The following PRKX variants were observed in gnomAD, a reference collection of about 807,000 sequenced individuals.
PRKX encodes the protein cAMP-dependent protein kinase catalytic subunit PRKX.
In PRKX, 12 loss-of-function variants were observed where a neutral mutation model predicts 22.0. That is an observed-to-expected ratio of 0.54 (90% CI 0.35 to 0.88). PRKX has a LOEUF of 0.88. PRKX is among the 40% of genes least tolerant of loss of function. The pLI, the probability that PRKX is intolerant of heterozygous loss-of-function variation, is 0.01. For synonymous variants in PRKX, 134 were observed against 137.7 expected (o/e 0.97, Z 0.19); for missense variants, 217 against 308.0 (o/e 0.70, Z 2.21).
chrX:3,649,444 T>C (rs1029163764), intron 3 of PRKX, among the ~76,000 whole-genome samples: 1 of 99,997 alleles, frequency 1.0e-5, no homozygotes, highest in African/African-American at 3.7e-5. Flanking sequence ...GTAATATTGC[T>C]GTTAGAAAAC....
chrX:3,655,485 G>A (rs1195896644), intron 2 of PRKX, 73 bp from the exon 3 acceptor site: 21 of 1,139,215 alleles, frequency 1.8e-5, no homozygotes, highest in Non-Finnish European at 2.4e-5. Flanking sequence ...GCTAGGTGTT[G>A]GGGTACAGAT....
chrX:3,704,175 T>C (rs1260163423), intron 1 of PRKX, among the ~76,000 whole-genome samples: 1 of 111,765 alleles, frequency 8.9e-6, no homozygotes, highest in Non-Finnish European at 1.9e-5. Flanking sequence ...TTCTTGAAAG[T>C]ATTGGTTGCA....
At chrX:3,610,164 T>C (rs1020000539) in intron 8 of PRKX, among the ~76,000 whole-genome samples, 3 of 111,997 alleles carry the variant, frequency 2.7e-5, no homozygotes, top group African/African-American at 9.7e-5. Context: ...AATTACTTGA[T>C]AAAATTACTA....
rs746493410 is a variant in PRKX at position 3,626,514 on chromosome X, C to T, written c.720G>A (p.Gly240=). The change falls in exon 5 of 9, where the codon GGG becomes GGA. Residue 240 remains glycine (G), a splice_region_variant and synonymous_variant. Coordinates refer to ENST00000262848, the MANE Select transcript of PRKX (RefSeq NM_005044.5). ...LGILIFEMLS[G]FPPFFDDNPF... is the part of the protein sequence containing the mutation. ...GGTTGTCATCAAAAAACGGAGGAAA[C>T]CTGTTAGAAAAACAAACATGTATTT... The T allele has an allele frequency of 1.0e-5, 12 of 1,199,907 alleles. No homozygotes were observed. In the East Asian group the frequency reaches 3.3e-4, roughly 33 times the overall value.
rs771773396 is a variant in PRKX, at chrX:3,615,865, G to A, written c.901C>T (p.Arg301Trp). The change falls in exon 7 of 9, where the codon CGG becomes TGG. Residue 301 changes from arginine (R) to tryptophan (W), a missense_variant. Transcript: ENST00000262848. Reference sequence around the variant, plus strand: ...TCCCAGTCCACGGAGCGGAACCACCGATGATGCTTCACATCATTCGCCCCG... The same window carrying A: ...TCCCAGTCCACGGAGCGGAACCACCAATGATGCTTCACATCATTCGCCCCG... ...KNGANDVKHH[R>W]WFRSVDWEAV... is the part of the protein sequence containing the mutation. 60 of 1,206,164 alleles carry A rather than the reference G, an allele frequency of 5.0e-5. No homozygotes were observed. The highest frequency in any genetic ancestry group is 6.2e-5 in the Non-Finnish European group (55 of 893,257).
chrX:3,618,068 AGAGAGAG>A (rs1255146134), intron 6 of PRKX, among the ~76,000 whole-genome samples: 6 of 72,059 alleles, frequency 8.3e-5, no homozygotes, highest in African/African-American at 1.7e-4. Context: ...AAAAAAAAAA[AGAGAGAG>A]AGAGAGAGAG....
chrX:3,642,599 G>A (rs1335459772), intron 3 of PRKX, among the ~76,000 whole-genome samples: 6 of 110,726 alleles, frequency 5.4e-5, no homozygotes, highest in Non-Finnish European at 1.1e-4. Flanking sequence ...AAACCTGCAC[G>A]TGTACCCCTG....
rs139877964 is a variant in PRKX at position 3,655,355 on chromosome X, G to A, written c.393C>T (p.Gly131=). The change falls in exon 3 of 9, where the codon GGC becomes GGT. Residue 131 remains glycine (G), a synonymous_variant. Coordinates refer to ENST00000262848, the MANE Select transcript of PRKX (RefSeq NM_005044.5). The stretch of plus-strand genomic sequence containing the variant: ...TGCGCAGGTAGCTGAAGAGCTCGCC[G>A]CCCGGCACGTACTCCATGAGCATGT... ...FLYMLMEYVP[G]GELFSYLRNR... 1,056 of 1,210,704 alleles carry A rather than the reference G, an allele frequency of 8.7e-4. 2 individuals are homozygous for A. The highest frequency in any genetic ancestry group is 5.3e-3 in the Middle Eastern group (23 of 4,356).
At chrX:3,704,291 GCAAA>G (rs1434505918) in intron 1 of PRKX, among the ~76,000 whole-genome samples, 1 of 112,182 alleles carries the variant, frequency 8.9e-6, no homozygotes, top group Non-Finnish European at 1.9e-5. Context: ...AGGTTTCTGT[GCAAA>G]CAATCTGCCC....
At chrX:3,689,744 A>C (rs6641853) in intron 1 of PRKX, among the ~76,000 whole-genome samples, 2 of 111,303 alleles carry the variant, frequency 1.8e-5, no homozygotes, top group African/African-American at 3.3e-5. Context: ...TTGGGAGGCC[A>C]AGGCGGGCGG....
chrX:3,615,853 A>T lies in PRKX; in HGVS notation c.913T>A (p.Ser305Thr), dbSNP rs778063938. 4 of 1,208,161 alleles carry T rather than the reference A, an allele frequency of 3.3e-6. No individual in the cohort carries two copies. Among genetic ancestry groups the T allele is most frequent in the Non-Finnish European group, 4.5e-6 (4 of 893,604 alleles). The stretch of plus-strand genomic sequence containing the variant: ...TGCGGAACAGCTTCCCAGTCCACGG[A>T]GCGGAACCACCGATGATGCTTCACA... ...NDVKHHRWFR[S>T]VDWEAVPQRK... Residue 305 changes from serine (S) to threonine (T), a missense_variant, in exon 7 of 9, where the codon TCC becomes ACC. Coordinates refer to ENST00000262848, the MANE Select transcript of PRKX (RefSeq NM_005044.5).
chrX:3,622,322 G>A (rs1926574290), intron 5 of PRKX, among the ~76,000 whole-genome samples: 1 of 111,159 alleles, frequency 9.0e-6, no homozygotes, highest in African/African-American at 3.3e-5. Flanking sequence ...AAAATACACA[G>A]AGTACATTAT....
intron 2 of PRKX, 105 bp downstream of exon 2, chrX:3,674,493 G>A (rs1225043251): frequency 7.2e-6 from 6 of 832,946 alleles, no homozygotes; most frequent in Admixed American, 2.9e-5. Flanking sequence ...GTGGCCTAAG[G>A]CTTTGCACGC....
At chrX:3,652,195 C>G (rs193159934) in intron 3 of PRKX, among the ~76,000 whole-genome samples, 5 of 110,253 alleles carry the variant, frequency 4.5e-5, no homozygotes, top group Admixed American at 2.9e-4. Flanking sequence ...AAGGTGGGCG[C>G]ATCACAAGGT....
intron 1 of PRKX, among the ~76,000 whole-genome samples, chrX:3,678,647 T>C (rs1928011854): frequency 1.8e-5 from 2 of 112,102 alleles, no homozygotes; most frequent in African/African-American, 3.2e-5. Flanking sequence ...TGCAGAAGTA[T>C]GTCGGTAAAC....
At chrX:3,622,792 T>C (rs1380765433) in intron 5 of PRKX, among the ~76,000 whole-genome samples, 4 of 111,130 alleles carry the variant, frequency 3.6e-5, no homozygotes, top group Non-Finnish European at 7.5e-5. Context: ...ACCTTTCCAC[T>C]ACTTAGTGAG....
At chrX:3,654,604 A>G (rs1238703935) in intron 3 of PRKX, among the ~76,000 whole-genome samples, 1 of 106,253 alleles carries the variant, frequency 9.4e-6, no homozygotes, top group African/African-American at 3.4e-5. Context: ...CCTCCTAAGT[A>G]GCTGGGACTA....
chrX:3,635,425 T>C (rs1189775539), intron 4 of PRKX, among the ~76,000 whole-genome samples: 1 of 111,641 alleles, frequency 9.0e-6, no homozygotes, highest in Non-Finnish European at 1.9e-5. Context: ...ATCTCACTCA[T>C]CTGCTGAAAC....
chrX:3,637,763 CT>C (rs68007143), intron 4 of PRKX, among the ~76,000 whole-genome samples: 22,282 of 97,471 alleles, frequency 0.23, 2,084 homozygotes, highest in Admixed American at 0.37. Context: ...CATTTTCTTT[CT>C]TTTTTTTTTT....
Sources: gnomAD v4.1 joint callset for allele counts (sites outside exome capture counted in the v4.1 genomes callset) on GRCh38, gnomAD v4.1.1 for gene constraint, MANE v1.5 for transcripts, NCBI Gene and HGNC (gene_info 2026-07-23, HGNC 2026-07-21) for gene names.